The following DPYD variants were observed in gnomAD, a reference collection of about 807,000 sequenced individuals.
DPYD encodes dihydropyrimidine dehydrogenase.
In DPYD, 109 loss-of-function variants were observed where a neutral mutation model predicts 116.2. That is an observed-to-expected ratio of 0.94 (90% CI 0.80 to 1.10). DPYD has a LOEUF of 1.10. DPYD is among the 50% of genes least tolerant of loss of function. The probability of loss-of-function intolerance (pLI) is 0.00; values close to 1 mark genes in which losing one functional copy is unlikely to be tolerated. For missense variants in DPYD, 1,302 were observed against 1,254.5 expected (o/e 1.04, Z -0.57); for synonymous variants, 440 against 432.0 (o/e 1.02, Z -0.23).
At chr1:97,508,661 C>T (rs938683761) in intron 13 of DPYD, among the ~76,000 whole-genome samples, 1 of 151,914 alleles carries the variant, frequency 6.6e-6, no homozygotes, top group African/African-American at 2.4e-5. Context: ...TCATTTTAGA[C>T]ATAAAGTAAT....
intron 18 of DPYD, among the ~76,000 whole-genome samples, chr1:97,264,178 T>G (rs1345166122): frequency 2.2e-5 from 3 of 138,498 alleles, no homozygotes; most frequent in Non-Finnish European, 4.8e-5. Context: ...TTTTTTTTTT[T>G]TTTTTTTTTT....
In DPYD at chr1:97,130,821, C is replaced by T. The variant is rs374031289; in HGVS notation, c.2623-32189G>A. Among the ~76,000 whole-genome samples the T allele has an allele frequency of 5.5e-4, 19 of 34,348 alleles. 1 individual carries two copies. Among genetic ancestry groups the T allele is most frequent in the African/African-American group, 2.4e-3 (14 of 5,824 alleles). 22.5% of individuals were successfully genotyped at this position (34,348 alleles called of 152,430 possible). On this transcript the variant is annotated intron_variant, in intron 20 of 22. Transcript: ENST00000370192. Reference sequence around the variant, plus strand: ...TCTCTCCCTCTTTCTTTCTTTCTTCCTTTCTTTCTTCTTTCTCCTTCCTTC... The same window carrying T: ...TCTCTCCCTCTTTCTTTCTTTCTTCTTTTCTTTCTTCTTTCTCCTTCCTTC...
chr1:97,721,735 G>GACAA, intron 4 of DPYD, 64 bp from the exon 5 acceptor site: 1 of 1,471,178 alleles, frequency 6.8e-7, no homozygotes, highest in Non-Finnish European at 9.4e-7. Context: ...GCCAAATTAC[G>GACAA]ACAAACATTA....
At chr1:97,082,100 T>A (rs56155632) in intron 22 of DPYD, among the ~76,000 whole-genome samples, 1 of 152,096 alleles carries the variant, frequency 6.6e-6, no homozygotes, top group African/African-American at 2.4e-5. Context: ...TGAAATGGTA[T>A]AAAAATAATT....
chr1:97,294,994 T>C (rs1004297016), intron 18 of DPYD, among the ~76,000 whole-genome samples: 4 of 152,226 alleles, frequency 2.6e-5, no homozygotes, highest in African/African-American at 9.6e-5. Flanking sequence ...TAGAATTTAA[T>C]GAGTATACTA....
At chr1:97,500,256 A>G (rs1402693230) in intron 13 of DPYD, among the ~76,000 whole-genome samples, 1 of 151,668 alleles carries the variant, frequency 6.6e-6, no homozygotes, top group East Asian at 1.9e-4. Context: ...ATGTATTGAA[A>G]TATTTTTTCT....
chr1:97,795,256 G>A (rs1251992070), intron 3 of DPYD, among the ~76,000 whole-genome samples: 1 of 151,918 alleles, frequency 6.6e-6, no homozygotes, highest in African/African-American at 2.4e-5. Flanking sequence ...AGCAATGGGA[G>A]GCAGTTTACT....
At chr1:97,907,826 A>T (rs1451299991) in intron 1 of DPYD, among the ~76,000 whole-genome samples, 1 of 151,960 alleles carries the variant, frequency 6.6e-6, no homozygotes, top group Non-Finnish European at 1.5e-5. Flanking sequence ...TAAAAAAATT[A>T]CACAAACTTA....
chr1:97,305,177 G>T (rs1667082821), intron 18 of DPYD, 82 bp downstream of exon 18: 1 of 1,601,376 alleles, frequency 6.2e-7, no homozygotes. Context: ...GATCATAAAG[G>T]GCACAAAACT....
intron 14 of DPYD, among the ~76,000 whole-genome samples, chr1:97,412,300 G>C (rs899760098): frequency 1.3e-5 from 2 of 152,126 alleles, no homozygotes; most frequent in Admixed American, 6.5e-5. Flanking sequence ...TCCCTTAAAT[G>C]TGCCTTTTTC....
intron 19 of DPYD, among the ~76,000 whole-genome samples, chr1:97,230,417 A>G (rs75595086): frequency 2.3e-3 from 350 of 152,282 alleles, no homozygotes; most frequent in African/African-American, 8.2e-3. Context: ...CTCACTTAGA[A>G]GTGGAAACTA....
chr1:97,539,053 C>CAT (rs751600820), intron 12 of DPYD, among the ~76,000 whole-genome samples: 29 of 151,932 alleles, frequency 1.9e-4, no homozygotes, highest in African/African-American at 4.6e-4. Context: ...TTTAGGCAAA[C>CAT]ATATATATAT....
chr1:97,721,580 C>T lies in DPYD; in HGVS notation c.413G>A (p.Gly138Asp), dbSNP rs1483417896. 4 of 1,611,862 alleles carry T rather than the reference C, an allele frequency of 2.5e-6. No homozygotes were observed. The highest frequency in any genetic ancestry group is 2.2e-5 in the South Asian group (2 of 91,024). The change falls in exon 5 of 23, where the codon GGT (glycine) becomes GAT (aspartate). Residue 138 changes from glycine (G) to aspartate (D), a missense_variant. By Grantham distance (94) the Gly-to-Asp change is moderately conservative. Coordinates refer to ENST00000370192, the MANE Select transcript of DPYD (RefSeq NM_000110.4). ...MVCPTSDLCV[G>D]GCNLYATEEG... ...TTCAGTGGCATATAAATTGCATCCA[C>T]CTACACAAAGATCAGAGGTTGGACA...
rs201102936 is a variant in DPYD, at chr1:97,178,650, AT to A, written c.2622+14418del. On this transcript the variant is annotated intron_variant, in intron 20 of 22. Transcript: ENST00000370192. ...GATGAGATTTGGGTGGGGGCACAAA[AT>A]CTAACCATATAAATGAACTTTTCCA... Among the ~76,000 whole-genome samples, 159 of 152,236 alleles carry A rather than the reference AT, an allele frequency of 1.0e-3. 2 individuals are homozygous for A. The East Asian group carries it at 0.028, about 27-fold the overall frequency.
chr1:97,814,476 G>A (rs2101407470), intron 3 of DPYD, among the ~76,000 whole-genome samples: 1 of 152,252 alleles, frequency 6.6e-6, no homozygotes, highest in South Asian at 2.1e-4. Flanking sequence ...GGTAAGGAGG[G>A]TAGCAGGGGA....
chr1:97,243,936 A>T (rs537833192), intron 18 of DPYD, among the ~76,000 whole-genome samples: 1 of 152,078 alleles, frequency 6.6e-6, no homozygotes, highest in South Asian at 2.1e-4. Context: ...GAATAATAGG[A>T]CAAAGACAAT....
intron 12 of DPYD, among the ~76,000 whole-genome samples, chr1:97,530,663 A>G (rs1362577784): frequency 1.3e-5 from 2 of 152,214 alleles, no homozygotes; most frequent in African/African-American, 2.4e-5. Context: ...CTGTTGGATC[A>G]TATGATAGTT....
chr1:97,721,008 C>T (rs1662894214), intron 5 of DPYD: 1 of 1,531,764 alleles, frequency 6.5e-7, no homozygotes. Context: ...TGCTTCCAAT[C>T]TATAAGTTCA....
chr1:97,458,104 G>A (rs1369021370), intron 13 of DPYD, among the ~76,000 whole-genome samples: 1 of 152,116 alleles, frequency 6.6e-6, no homozygotes, highest in Non-Finnish European at 1.5e-5. Flanking sequence ...ATCTTTTAAG[G>A]CCCAGAATAG....
Sources: gnomAD v4.1 joint callset for allele counts (sites outside exome capture counted in the v4.1 genomes callset) on GRCh38, gnomAD v4.1.1 for gene constraint, MANE v1.5 for transcripts, NCBI Gene and HGNC (gene_info 2026-07-23, HGNC 2026-07-21) for gene names.